FANCC: variants seen among roughly 807,000 people sequenced by gnomAD.
FANCC encodes FA complementation group C.
Under a neutral mutation model 71.3 loss-of-function variants are expected in FANCC, and 55 were observed. The ratio of observed to expected loss-of-function variants is 0.77; its 90% CI spans 0.62 to 0.97. The LOEUF is 0.97. Among genes scored for constraint, FANCC ranks in the 50% least tolerant of loss-of-function variants. The pLI, the probability that FANCC is intolerant of heterozygous loss-of-function variation, is 0.00. For synonymous variants in FANCC, 275 were observed against 244.9 expected, an observed-to-expected ratio of 1.12 and a Z score of -1.15; for missense variants, 678 against 670.9, an observed-to-expected ratio of 1.01 and a Z score of -0.12.
At chr9:95,191,453 A>G (rs1209168028) in intron 4 of FANCC, among the ~76,000 whole-genome samples, 1 of 150,330 alleles carries the variant, frequency 6.7e-6, no homozygotes, top group East Asian at 1.9e-4. Context: ...TTGCCTCCCA[A>G]AGTGCTGGAA....
At chr9:95,108,115 G>A (rs1029685059) in intron 13 of FANCC, among the ~76,000 whole-genome samples, 1 of 152,188 alleles carries the variant, frequency 6.6e-6, no homozygotes, top group South Asian at 2.1e-4. Context: ...TCCCATGACC[G>A]ATTTTATGGA....
At chr9:95,267,948 T>A (rs1159618253) in intron 1 of FANCC, among the ~76,000 whole-genome samples, 1 of 152,146 alleles carries the variant, frequency 6.6e-6, no homozygotes, top group Non-Finnish European at 1.5e-5. Context: ...ACACTGCACA[T>A]CACTGGATCT....
At chr9:95,255,421 T>C (rs1479804049) in intron 1 of FANCC, among the ~76,000 whole-genome samples, 1 of 152,166 alleles carries the variant, frequency 6.6e-6, no homozygotes, top group Non-Finnish European at 1.5e-5. Context: ...AAACAGCGTC[T>C]GGAGTGGACC....
At chr9:95,159,358 G>A (rs889896035) in intron 6 of FANCC, among the ~76,000 whole-genome samples, 1 of 152,186 alleles carries the variant, frequency 6.6e-6, no homozygotes, top group Non-Finnish European at 1.5e-5. Flanking sequence ...CAAAGGACAT[G>A]AACTCATCCT....
chr9:95,194,218 G>A (rs778303776), intron 4 of FANCC, among the ~76,000 whole-genome samples: 4 of 152,084 alleles, frequency 2.6e-5, no homozygotes, highest in Non-Finnish European at 4.4e-5. Flanking sequence ...TCTGCTTGAA[G>A]AACAGTCTTA....
intron 8 of FANCC, among the ~76,000 whole-genome samples, chr9:95,131,707 A>G (rs1372771353): frequency 6.6e-6 from 1 of 152,232 alleles, no homozygotes; most frequent in Admixed American, 6.5e-5. Context: ...AAAAGACTGA[A>G]AAAGCAGGAA....
At chr9:95,194,360 T>A (rs2135757641) in intron 4 of FANCC, among the ~76,000 whole-genome samples, 1 of 152,292 alleles carries the variant, frequency 6.6e-6, no homozygotes, top group Non-Finnish European at 1.5e-5. Context: ...TGGCTTCCAT[T>A]ACTTCTGTAA....
chr9:95,294,245 T>C, intron 1 of FANCC: 1 of 1,582,282 alleles, frequency 6.3e-7, no homozygotes, highest in Non-Finnish European at 8.7e-7. Context: ...GGAATCAATT[T>C]TGATATTGAA....
chr9:95,167,562 C>T (rs1409889941), intron 6 of FANCC, among the ~76,000 whole-genome samples: 1 of 152,044 alleles, frequency 6.6e-6, no homozygotes, highest in Non-Finnish European at 1.5e-5. Context: ...TTTTCTGACC[C>T]TTTCTTCTGT....
At chr9:95,231,932 C>T (rs1307188446) in intron 4 of FANCC, among the ~76,000 whole-genome samples, 6 of 152,144 alleles carry the variant, frequency 3.9e-5, no homozygotes, top group Non-Finnish European at 7.3e-5. Flanking sequence ...AGTCCATTCT[C>T]GCATTGCTAT....
chr9:95,310,397 G>A (rs1052287726), intron 1 of FANCC, among the ~76,000 whole-genome samples: 2 of 151,542 alleles, frequency 1.3e-5, no homozygotes, highest in African/African-American at 2.4e-5. Context: ...GGGGGAATTC[G>A]TTGGTTCAAG....
chr9:95,199,058 T>C (rs1458363289), intron 4 of FANCC, among the ~76,000 whole-genome samples: 2 of 152,172 alleles, frequency 1.3e-5, no homozygotes, highest in Non-Finnish European at 2.9e-5. Flanking sequence ...AAAGGCAATA[T>C]ATGAATTTTT....
intron 1 of FANCC, among the ~76,000 whole-genome samples, chr9:95,255,949 C>G (rs115839949): frequency 3.2e-4 from 49 of 151,236 alleles, no homozygotes; most frequent in African/African-American, 1.2e-3. Context: ...TAAAGATCAG[C>G]TTAATGACAT....
intron 6 of FANCC, among the ~76,000 whole-genome samples, chr9:95,150,681 A>C (rs780229039): frequency 6.6e-6 from 1 of 152,180 alleles, no homozygotes; most frequent in Non-Finnish European, 1.5e-5. Context: ...ATGGCTTCTC[A>C]CCTCATGTAG....
At chr9:95,133,356 T>C (rs923065149) in intron 8 of FANCC, among the ~76,000 whole-genome samples, 5 of 152,188 alleles carry the variant, frequency 3.3e-5, no homozygotes, top group African/African-American at 1.2e-4. Flanking sequence ...TTAAACCAAA[T>C]AACACCCTCT....
At chr9:95,182,829 G>A (rs538983546) in intron 4 of FANCC, among the ~76,000 whole-genome samples, 77 of 152,232 alleles carry the variant, frequency 5.1e-4, no homozygotes, top group Middle Eastern at 3.4e-3. Context: ...AAGACAAAGT[G>A]GAGGAGGGAG....
In FANCC at chr9:95,150,047, C is replaced by A; in HGVS notation, c.562G>T (p.Val188Phe). 1 of 1,614,074 alleles carries A rather than the reference C, an allele frequency of 6.2e-7. No homozygotes were observed. The highest frequency in any genetic ancestry group is 1.3e-5 in the African/African-American group (1 of 75,004). ...ERVASLSRVC[V>F]PLITLTDVDP... is the part of the protein sequence containing the mutation. ...ACATCTGTCAGGGTAATAAGTGGGA[C>A]ACAAACTCGTGACAGGGACGCCACT... Residue 188 changes from valine (V) to phenylalanine (F), a missense_variant, in exon 7 of 15, where the codon GTC (valine) becomes TTC (phenylalanine). Physicochemically the swap from Val to Phe is conservative, Grantham distance 50 (BLOSUM62 -1). Transcript: ENST00000289081.
At chr9:95,155,678 A>G (rs992613747) in intron 6 of FANCC, among the ~76,000 whole-genome samples, 1 of 152,052 alleles carries the variant, frequency 6.6e-6, no homozygotes, top group Non-Finnish European at 1.5e-5. Flanking sequence ...ACCACAATTA[A>G]AAGACTCTGC....
At chr9:95,215,696 G>C (rs1828821523) in intron 4 of FANCC, among the ~76,000 whole-genome samples, 1 of 152,174 alleles carries the variant, frequency 6.6e-6, no homozygotes, top group African/African-American at 2.4e-5. Context: ...CCATTATGCT[G>C]TTAGGAAGCC....
Sources: allele counts gnomAD v4.1 joint callset (sites outside exome capture counted in the v4.1 genomes callset), GRCh38; gene constraint gnomAD v4.1.1; transcripts MANE v1.5; gene names NCBI Gene and HGNC (gene_info 2026-07-23, HGNC 2026-07-21).